The following SREBF2 variants were observed in gnomAD, a reference collection of about 807,000 sequenced individuals.
The protein encoded by SREBF2 is sterol regulatory element binding transcription factor 2, also known as sterol regulatory element-binding protein 2.
A neutral mutation model predicts 113.1 loss-of-function variants in SREBF2; 55 were observed. That is an observed-to-expected ratio of 0.49 (90% CI 0.39 to 0.61). SREBF2 has a LOEUF of 0.61. Ranked by LOEUF, SREBF2 falls within the 20% of genes least tolerant of loss-of-function variation. SREBF2 has a pLI of 0.00. For missense variants in SREBF2, 1,349 were observed against 1,487.4 expected, an observed-to-expected ratio of 0.91 and a Z score of 1.53; for synonymous variants, 593 against 605.7, an observed-to-expected ratio of 0.98 and a Z score of 0.31.
At chr22:41,856,873 A>C (rs1223572036) in intron 1 of SREBF2, among the ~76,000 whole-genome samples, 1 of 152,032 alleles carries the variant, frequency 6.6e-6, no homozygotes, top group African/African-American at 2.4e-5. Flanking sequence ...TCAGGAGTTC[A>C]AGACCAGCCT....
At chr22:41,904,641 T>C (rs199962807) in intron 17 of SREBF2, 87 of 699,872 alleles carry the variant, frequency 1.2e-4, no homozygotes, top group Non-Finnish European at 2.0e-4. Context: ...GCCTTTTGCC[T>C]CTCTCTCCTC....
rs989401184 is a variant in SREBF2 at position 41,900,097 on chromosome 22, T to C, written c.2739-233T>C. On this transcript the variant is annotated intron_variant, in intron 15 of 18. Coordinates refer to ENST00000361204, the MANE Select transcript of SREBF2 (RefSeq NM_004599.4). Reference sequence around the variant, plus strand: ...AGCAGACGTGATGGTGAAGCCTGTGTCTCTGACTTCCAGCATTGAATGAAG... The same window carrying C: ...AGCAGACGTGATGGTGAAGCCTGTGCCTCTGACTTCCAGCATTGAATGAAG... 5 of 1,434,942 alleles carry C rather than the reference T, an allele frequency of 3.5e-6. 1 individual carries two copies. The Admixed American group carries it at 9.8e-5, about 28-fold the overall frequency. 88.9% of individuals were successfully genotyped at this position (1,434,942 alleles called of 1,614,324 possible).
At chr22:41,840,183 C>A (rs1451168970) in intron 1 of SREBF2, among the ~76,000 whole-genome samples, 1 of 152,216 alleles carries the variant, frequency 6.6e-6, no homozygotes, top group Non-Finnish European at 1.5e-5. Context: ...TGGTCTTGAA[C>A]TCCTGTCCTT....
chr22:41,881,388 C>A (rs1295965768), intron 10 of SREBF2, among the ~76,000 whole-genome samples: 1 of 152,208 alleles, frequency 6.6e-6, no homozygotes, highest in African/African-American at 2.4e-5. Context: ...GAGAGGTCAA[C>A]AAATGAATGA....
intron 1 of SREBF2, among the ~76,000 whole-genome samples, chr22:41,866,169 C>T (rs2077072670): frequency 6.6e-6 from 1 of 152,138 alleles, no homozygotes; most frequent in Non-Finnish European, 1.5e-5. Context: ...CTCAGTGTTT[C>T]CAGCTGTAAA....
intron 2 of SREBF2, among the ~76,000 whole-genome samples, 161 bp from the exon 3 acceptor site, chr22:41,868,449 CT>C (rs2077107784): frequency 6.6e-6 from 1 of 152,154 alleles, no homozygotes; most frequent in African/African-American, 2.4e-5. Context: ...ATGGGATGTT[CT>C]TGTTGTCTAA....
intron 13 of SREBF2, among the ~76,000 whole-genome samples, chr22:41,895,498 C>T (rs1246073921): frequency 2.1e-5 from 3 of 143,908 alleles, no homozygotes; most frequent in Admixed American, 7.2e-5. Context: ...TGCAATGGAC[C>T]AGTCTCAGCT....
intron 17 of SREBF2, 108 bp from the exon 18 acceptor site, chr22:41,904,755 G>A (rs1320214968): frequency 4.6e-6 from 4 of 870,320 alleles, no homozygotes; most frequent in East Asian, 5.3e-5. Context: ...GGGTGGTGTG[G>A]GAAGGGATGT....
intron 1 of SREBF2, among the ~76,000 whole-genome samples, chr22:41,850,992 C>T (rs555769904): frequency 3.7e-4 from 57 of 152,272 alleles, no homozygotes; most frequent in Admixed American, 1.3e-3. Context: ...CCGCCCACCT[C>T]GGCCTCCCAA....
In SREBF2 at chr22:41,905,579, G is replaced by A; in HGVS notation, c.3345G>A (p.Lys1115=). ...CCGAAGCTGCCCGCACCCTGGAGAA[G>A]GTGGGCGACCGGCGCTCCTGCAACG... ...LLAEAARTLE[K]VGDRRSCNDC... Residue 1115 remains lysine, a synonymous_variant, in exon 19 of 19, where the codon AAG becomes AAA. Transcript: ENST00000361204. The A allele has an allele frequency of 6.3e-7, 1 of 1,598,544 alleles. No homozygotes were observed.
intron 3 of SREBF2, among the ~76,000 whole-genome samples, chr22:41,869,127 C>T (rs559294489): frequency 8.1e-4 from 124 of 152,194 alleles, no homozygotes; most frequent in Non-Finnish European, 1.3e-3. Flanking sequence ...TGTTTTGAGA[C>T]GGAGTCTCAT....
chr22:41,857,101 A>C (rs2076984183), intron 1 of SREBF2, among the ~76,000 whole-genome samples: 1 of 152,088 alleles, frequency 6.6e-6, no homozygotes, highest in African/African-American at 2.4e-5. Flanking sequence ...TTTGATTTAA[A>C]AGGCTGTTGG....
chr22:41,856,639 C>T (rs1342964584), intron 1 of SREBF2, among the ~76,000 whole-genome samples: 4 of 152,064 alleles, frequency 2.6e-5, no homozygotes, highest in Admixed American at 6.6e-5. Flanking sequence ...ATTGCCCTAC[C>T]CCACCCCTCA....
At chr22:41,901,609 C>A (rs1007560215) in intron 16 of SREBF2, among the ~76,000 whole-genome samples, 1 of 152,086 alleles carries the variant, frequency 6.6e-6, no homozygotes, top group South Asian at 2.1e-4. Flanking sequence ...TGCAGTGAGT[C>A]GAGATTGCAC....
intron 10 of SREBF2, among the ~76,000 whole-genome samples, chr22:41,882,873 G>A (rs1376868660): frequency 6.6e-6 from 1 of 152,204 alleles, no homozygotes; most frequent in Non-Finnish European, 1.5e-5. Context: ...GGAGGTCAAG[G>A]AAGGAAGGTC....
At chr22:41,892,070 A>G (rs1003344342) in intron 11 of SREBF2, among the ~76,000 whole-genome samples, 1 of 152,148 alleles carries the variant, frequency 6.6e-6, no homozygotes, top group Non-Finnish European at 1.5e-5. Context: ...TGGTGTTCAC[A>G]TCAGGGGCTC....
intron 4 of SREBF2, among the ~76,000 whole-genome samples, chr22:41,872,143 G>A (rs925371018): frequency 5.3e-5 from 8 of 151,750 alleles, no homozygotes; most frequent in Middle Eastern, 3.5e-3. Context: ...CTAGCTACTC[G>A]GGAGGCCGAG....
intron 9 of SREBF2, among the ~76,000 whole-genome samples, chr22:41,879,888 G>A (rs1409931660): frequency 2.0e-5 from 3 of 152,212 alleles, no homozygotes; most frequent in Non-Finnish European, 4.4e-5. Context: ...GAGTAGGGTA[G>A]TTTAGCTGTG....
chr22:41,888,638 A>G (rs938650947), intron 11 of SREBF2, among the ~76,000 whole-genome samples: 1 of 152,168 alleles, frequency 6.6e-6, no homozygotes, highest in African/African-American at 2.4e-5. Flanking sequence ...GCTGATGGAC[A>G]TTTGGGTTGT....
Sources: allele counts gnomAD v4.1 joint callset (sites outside exome capture counted in the v4.1 genomes callset), GRCh38; gene constraint gnomAD v4.1.1; transcripts MANE v1.5; gene names NCBI Gene and HGNC (gene_info 2026-07-23, HGNC 2026-07-21).